NDST1: variants seen among roughly 807,000 people sequenced by gnomAD.
The protein encoded by NDST1 is N-deacetylase and N-sulfotransferase 1, also known as bifunctional heparan sulfate N-deacetylase/N-sulfotransferase 1.
NDST1 carries 35 observed loss-of-function variants against 92.8 expected under a neutral mutation model. The ratio of observed to expected loss-of-function variants is 0.38; its 90% CI spans 0.29 to 0.50. The LOEUF is 0.50. Ranked by LOEUF, NDST1 falls within the 20% of genes least tolerant of loss-of-function variation. NDST1 has a pLI of 0.94. For missense variants in NDST1, 822 were observed against 1,182.7 expected (o/e 0.69, Z 4.47); for synonymous variants, 493 against 500.3 (o/e 0.99, Z 0.19).
chr5:150,544,463 G>C (rs1268576517), intron 10 of NDST1, among the ~76,000 whole-genome samples: 1 of 152,198 alleles, frequency 6.6e-6, no homozygotes, highest in Non-Finnish European at 1.5e-5. Flanking sequence ...ATTCCCAAGA[G>C]CTTGATTTTG....
Position 150,520,417 on chromosome 5 carries a change from GGGAAT to G in NDST1, c.-387-445_-387-441del, listed in dbSNP as rs537343205. Among the ~76,000 whole-genome samples, 702 of 152,230 alleles carry G rather than the reference GGGAAT, an allele frequency of 4.6e-3. 3 individuals carry two copies. The highest frequency in any genetic ancestry group is 0.016 in the African/African-American group (676 of 41,528). On this transcript the variant is annotated intron_variant, in intron 1 of 14. Coordinates refer to ENST00000261797, the MANE Select transcript of NDST1 (RefSeq NM_001543.5). ...TTCAAAGAGAGCAACGGGTTAGGAA[GGGAAT>G]GGAATATGGTGAGGATGTGGTATTC...
chr5:150,506,258 C>T (rs1453126004), upstream of NDST1, among the ~76,000 whole-genome samples: 3 of 152,198 alleles, frequency 2.0e-5, no homozygotes, highest in African/African-American at 4.8e-5. Context: ...TATAGGCACA[C>T]GCCACTACGC....
At chr5:150,547,150 A>T (rs1292757347) in intron 11 of NDST1, among the ~76,000 whole-genome samples, 4 of 152,228 alleles carry the variant, frequency 2.6e-5, no homozygotes, top group African/African-American at 9.6e-5. Flanking sequence ...AAGTTTCAGC[A>T]AGTTTCATGT....
chr5:150,521,891 T>C lies in NDST1; in HGVS notation c.513+124T>C, dbSNP rs1007129539. The C allele has an allele frequency of 2.4e-6, 3 of 1,263,640 alleles. No individual in the cohort carries two copies. The highest frequency in any genetic ancestry group is 3.4e-6 in the Non-Finnish European group (3 of 887,418). The allele number at this position is 1,263,640 out of a possible 1,614,324, so 78.3% of individuals were successfully genotyped here. A position where few individuals can be genotyped will look rare whatever the true frequency, so the allele number is the denominator to read the frequency against. On this transcript the variant is annotated intron_variant, in intron 2 of 14. Transcript: ENST00000261797. The surrounding 1 kb of genome is among the most constrained non-coding windows in gnomAD (Gnocchi z 5.9). ...TCCTGGGGTTGTTGGGAGGGTTAAATGAGTGAGTATATGTAAAGCACTGGG... is the reference window on the plus strand; with the variant it reads ...TCCTGGGGTTGTTGGGAGGGTTAAACGAGTGAGTATATGTAAAGCACTGGG...
chr5:150,504,940 G>T (rs1390298034), upstream of NDST1, among the ~76,000 whole-genome samples: 1 of 152,194 alleles, frequency 6.6e-6, no homozygotes, highest in African/African-American at 2.4e-5. Flanking sequence ...TGGGCTCCAA[G>T]TTCATCTCAA....
In NDST1 at chr5:150,535,741, C is replaced by G; in HGVS notation, c.1293C>G (p.Pro431=). Residue 431 remains proline, a synonymous_variant, in exon 6 of 15, where the codon CCC becomes CCG. Coordinates refer to ENST00000261797, the MANE Select transcript of NDST1 (RefSeq NM_001543.5). Reference sequence around the variant, plus strand: ...CAGACATGGGGTATGCAGTGGCGCCCCACCACTCGGGCGTGTACCCCGTGC... The same window carrying G: ...CAGACATGGGGTATGCAGTGGCGCCGCACCACTCGGGCGTGTACCCCGTGC... ...IPTDMGYAVA[P]HHSGVYPVHV... 1 of 1,614,242 alleles carries G rather than the reference C, an allele frequency of 6.2e-7. No homozygotes were observed. Among genetic ancestry groups the G allele is most frequent in the Non-Finnish European group, 8.5e-7 (1 of 1,180,050 alleles).
At chr5:150,504,301 C>A (rs1337387333), upstream of NDST1, among the ~76,000 whole-genome samples, 1 of 152,178 alleles carries the variant, frequency 6.6e-6, no homozygotes, top group Non-Finnish European at 1.5e-5. Context: ...GTTCCAAGGA[C>A]TTTTCTTAAC....
At position 150,550,809 on chromosome 5, in the gene NDST1, A is replaced by G. The variant is rs531261286; in HGVS notation, c.2427-944A>G. On this transcript the variant is annotated intron_variant, in intron 13 of 14. Coordinates refer to ENST00000261797, the MANE Select transcript of NDST1 (RefSeq NM_001543.5). Reference sequence around the variant, plus strand: ...GTTAGGGCCCCACATCCATCTCTTCAGCCTTTCAAGCCTCGCTTTCCTCAT... The same window carrying G: ...GTTAGGGCCCCACATCCATCTCTTCGGCCTTTCAAGCCTCGCTTTCCTCAT... The G allele has an allele frequency of 2.0e-5, 3 of 152,400 alleles. No individual in the cohort carries two copies. In the East Asian group the frequency reaches 5.8e-4, roughly 29 times the overall value. The allele number at this position is 152,400 out of a possible 1,614,324, so 9.4% of individuals were successfully genotyped here. A position where few individuals can be genotyped will look rare whatever the true frequency, so the allele number is the denominator to read the frequency against.
At position 150,534,896 on chromosome 5, in the gene NDST1, C is replaced by T; in HGVS notation, c.1126C>T (p.Leu376=). ...CAATGCTGAGGACGCTGGGGATGATCTGCTGCTGTCGTATGTGAAGGAGTT... is the reference window on the plus strand; with the variant it reads ...CAATGCTGAGGACGCTGGGGATGATTTGCTGCTGTCGTATGTGAAGGAGTT... ...GTNAEDAGDD[L]LLSYVKEFWW... Residue 376 remains leucine (L), a synonymous_variant, in exon 5 of 15, where the codon CTG becomes TTG. Transcript: ENST00000261797. The T allele has an allele frequency of 6.2e-7, 1 of 1,614,286 alleles. No homozygotes were observed. Among genetic ancestry groups the T allele is most frequent in the East Asian group, 2.2e-5 (1 of 44,888 alleles).
At chr5:150,516,676 A>AT (rs1306538877) in intron 1 of NDST1, among the ~76,000 whole-genome samples, 1 of 151,904 alleles carries the variant, frequency 6.6e-6, no homozygotes, top group Non-Finnish European at 1.5e-5. Context: ...TATGATATAT[A>AT]TTTTTTTGAG....
chr5:150,516,975 TAGTGTGTGTGTGTG>T (rs1403051699), intron 1 of NDST1, among the ~76,000 whole-genome samples: 93 of 119,262 alleles, frequency 7.8e-4, no homozygotes, highest in African/African-American at 2.8e-3. Context: ...TGACATTTTC[TAGTGTGTGTGTGTG>T]TGTGTGTGTG....
chr5:150,509,276 G>A (rs975535336), intron 1 of NDST1, among the ~76,000 whole-genome samples: 3 of 152,238 alleles, frequency 2.0e-5, no homozygotes, highest in African/African-American at 7.2e-5. Context: ...CTCTGCAGGG[G>A]AGGCAGATAG....
intron 9 of NDST1, among the ~76,000 whole-genome samples, chr5:150,542,230 T>C (rs1300422088): frequency 6.6e-6 from 1 of 152,216 alleles, no homozygotes; most frequent in Non-Finnish European, 1.5e-5. Context: ...ATACTCTTAA[T>C]TGCCAAACTC....
At chr5:150,530,862 A>AT (rs933346159) in intron 3 of NDST1, among the ~76,000 whole-genome samples, 9 of 152,078 alleles carry the variant, frequency 5.9e-5, no homozygotes, top group African/African-American at 2.2e-4. Flanking sequence ...ACCTGGCCCT[A>AT]TTTTTTCTAT....
chr5:150,541,468 TATC>T, intron 8 of NDST1, 99 bp from the exon 9 acceptor site: 1 of 953,692 alleles, frequency 1.0e-6, no homozygotes, highest in Admixed American at 1.8e-5. Flanking sequence ...AGCATGTAGG[TATC>T]ATGCCCATTG....
At chr5:150,526,492 T>A (rs147789089) in intron 2 of NDST1, among the ~76,000 whole-genome samples, 2 of 152,302 alleles carry the variant, frequency 1.3e-5, no homozygotes, top group African/African-American at 2.4e-5. Flanking sequence ...TTATTCCTTT[T>A]AAAAATCCAG....
intron 1 of NDST1, among the ~76,000 whole-genome samples, chr5:150,499,294 C>G (rs1461859931): frequency 6.6e-6 from 1 of 152,214 alleles, no homozygotes; most frequent in African/African-American, 2.4e-5. Context: ...AACCTTGAGC[C>G]TACATTCTCC....
In NDST1 at chr5:150,512,164, A is replaced by G. The variant is rs76344694; in HGVS notation, c.-388+3938A>G. On this transcript the variant is annotated intron_variant, in intron 1 of 14. Transcript: ENST00000261797. ...GCTCTTTCTGCACTGACCTCCTCTCAGCCCCCACCCCATGTGCATGTGGCC... is the reference window on the plus strand; with the variant it reads ...GCTCTTTCTGCACTGACCTCCTCTCGGCCCCCACCCCATGTGCATGTGGCC... Among the ~76,000 whole-genome samples, 116 of 152,156 alleles carry G rather than the reference A, an allele frequency of 7.6e-4. 2 individuals carry two copies. In the East Asian group the frequency reaches 0.021, roughly 28 times the overall value.
intron 1 of NDST1, among the ~76,000 whole-genome samples, chr5:150,519,632 G>T (rs150082989): frequency 1.3e-5 from 2 of 151,932 alleles, no homozygotes; most frequent in African/African-American, 2.4e-5. Context: ...AGGTGGCAGC[G>T]AGCCGAGATT....
Sources: allele counts gnomAD v4.1 joint callset (sites outside exome capture counted in the v4.1 genomes callset), GRCh38; gene constraint gnomAD v4.1.1; non-coding constraint Gnocchi (gnomAD v3.1); transcripts MANE v1.5; gene names NCBI Gene and HGNC (gene_info 2026-07-23, HGNC 2026-07-21).